Variants in R3HCC1L observed in about 807,000 individuals in gnomAD.
R3HCC1L encodes the protein R3H domain and coiled-coil containing 1 like.
In R3HCC1L, 51 loss-of-function variants were observed where a neutral mutation model predicts 59.9. The ratio of observed to expected loss-of-function variants is 0.85; its 90% CI spans 0.68 to 1.07. The LOEUF (loss-of-function observed/expected upper bound fraction) is 1.07. R3HCC1L is among the 50% of genes least tolerant of loss of function. The probability of loss-of-function intolerance (pLI) is 0.00; values close to 1 mark genes in which losing one functional copy is unlikely to be tolerated. For missense variants in R3HCC1L, 965 were observed against 933.0 expected (o/e 1.03, Z -0.45); for synonymous variants, 322 against 315.2 (o/e 1.02, Z -0.23).
intron 5 of R3HCC1L, among the ~76,000 whole-genome samples, chr10:98,219,775 T>G (rs780674608): frequency 1.2e-4 from 19 of 152,170 alleles, no homozygotes; most frequent in Non-Finnish European, 2.6e-4. Flanking sequence ...CTTCTGTATA[T>G]CCCTTCTATG....
intron 6 of R3HCC1L, among the ~76,000 whole-genome samples, chr10:98,233,712 C>T (rs1021655321): frequency 6.6e-6 from 1 of 152,168 alleles, no homozygotes; most frequent in African/African-American, 2.4e-5. Flanking sequence ...GGTAGTTGTT[C>T]TCCAAAATAA....
chr10:98,204,945 C>G (rs961954890), intron 4 of R3HCC1L, among the ~76,000 whole-genome samples: 1 of 152,042 alleles, frequency 6.6e-6, no homozygotes, highest in South Asian at 2.1e-4. Flanking sequence ...TCCTGACAGT[C>G]CACAAGAATG....
chr10:98,238,322 A>T (rs527383362), intron 9 of R3HCC1L, among the ~76,000 whole-genome samples: 1 of 152,356 alleles, frequency 6.6e-6, no homozygotes, highest in East Asian at 1.9e-4. Context: ...AATTAGAAAG[A>T]TGGCAAGATT....
intron 1 of R3HCC1L, among the ~76,000 whole-genome samples, chr10:98,135,035 G>A (rs1442036471): frequency 6.6e-6 from 1 of 152,198 alleles, no homozygotes; most frequent in East Asian, 1.9e-4. Flanking sequence ...GTATTGAGCG[G>A]GGTCCCTGGT....
rs75698798 is a variant in R3HCC1L, at chr10:98,203,462, A to T, written c.-14-4639A>T. 2.8e-3 allele frequency among the ~76,000 whole-genome samples: 426 copies of T among 152,348 alleles called. 2 individuals are homozygous for T. Among genetic ancestry groups the T allele is most frequent in the Middle Eastern group, 0.01 (3 of 294 alleles). On this transcript the variant is annotated intron_variant, in intron 4 of 9. Coordinates refer to ENST00000298999, the MANE Select transcript of R3HCC1L (RefSeq NM_001351015.2). Reference sequence around the variant, plus strand: ...TATAGTTTAGCTATGGTGCATTCTGATGAACTAACAAATACAGAATTTGTT... The same window carrying T: ...TATAGTTTAGCTATGGTGCATTCTGTTGAACTAACAAATACAGAATTTGTT...
chr10:98,187,997 C>T (rs760127186), intron 4 of R3HCC1L, among the ~76,000 whole-genome samples: 2 of 152,026 alleles, frequency 1.3e-5, no homozygotes, highest in Non-Finnish European at 2.9e-5. Context: ...CCCATCTTGG[C>T]CTCCCAGAAG....
intron 4 of R3HCC1L, among the ~76,000 whole-genome samples, chr10:98,168,518 G>T (rs1160710210): frequency 6.6e-6 from 1 of 152,146 alleles, no homozygotes; most frequent in Non-Finnish European, 1.5e-5. Context: ...GGACCTCCAA[G>T]ATCCTACTGG....
At position 98,231,548 on chromosome 10, in the gene R3HCC1L, G is replaced by T; in HGVS notation, c.1822G>T (p.Glu608Ter). 6.2e-7 allele frequency: 1 copy of T among 1,612,910 alleles called. No homozygotes were observed. The highest frequency in any genetic ancestry group is 8.5e-7 in the Non-Finnish European group (1 of 1,179,586). Residue 608 changes from glutamate to a stop codon, truncating the protein, a stop_gained, in exon 6 of 10, where the codon GAA becomes TAA. Coordinates refer to ENST00000298999, the MANE Select transcript of R3HCC1L (RefSeq NM_001351015.2). LOFTEE classifies it high-confidence loss of function. The stretch of plus-strand genomic sequence containing the variant: ...TACCAAGAGCAGAGAGAGCATCCAG[G>T]AACCTAGATCTGATTACTACAATCA... Reference protein sequence around the residue: ...GNTKSRESIQEPRSDYYNHEV... With the variant: ...GNTKSRESIQ
At position 98,209,381 on chromosome 10, in the gene R3HCC1L, A is replaced by G. The variant is rs139362297; in HGVS notation, c.1267A>G (p.Thr423Ala). ...GTTTGTAGGAATGAGTGCAGATGCA[A>G]CCCCTCTTCATGTAGCTAGAAGTGG... is the stretch of plus-strand genomic sequence containing the variant. Reference protein sequence around the residue: ...SKFVGMSADATPLHVARSGND... With the variant: ...SKFVGMSADAAPLHVARSGND... Residue 423 changes from threonine (T) to alanine (A), a missense_variant, in exon 5 of 10, where the codon ACC becomes GCC. Coordinates refer to ENST00000298999, the MANE Select transcript of R3HCC1L (RefSeq NM_001351015.2). The G allele has an allele frequency of 1.2e-6, 2 of 1,613,818 alleles. No individual in the cohort carries two copies. The highest frequency in any genetic ancestry group is 1.7e-6 in the Non-Finnish European group (2 of 1,179,964).
At chr10:98,162,652 A>G (rs1225276436) in intron 2 of R3HCC1L, among the ~76,000 whole-genome samples, 1 of 151,700 alleles carries the variant, frequency 6.6e-6, no homozygotes, top group Admixed American at 6.6e-5. Flanking sequence ...GAAGTTGAAC[A>G]TCTGTTCGTG....
intron 4 of R3HCC1L, among the ~76,000 whole-genome samples, chr10:98,201,631 A>G (rs181076517): frequency 6.6e-6 from 1 of 152,348 alleles, no homozygotes; most frequent in Admixed American, 6.5e-5. Flanking sequence ...CCTGAGATGC[A>G]TTAGTCATTG....
intron 1 of R3HCC1L, among the ~76,000 whole-genome samples, chr10:98,148,021 T>TA (rs1453178656): frequency 6.6e-6 from 1 of 152,206 alleles, no homozygotes; most frequent in Admixed American, 6.5e-5. Flanking sequence ...TTAACTGTGT[T>TA]ACTCCCTCTA....
intron 4 of R3HCC1L, among the ~76,000 whole-genome samples, chr10:98,199,172 A>G (rs1433576316): frequency 1.3e-5 from 2 of 152,090 alleles, no homozygotes; most frequent in Non-Finnish European, 2.9e-5. Context: ...GTATAGTCCT[A>G]GATCATTCTT....
chr10:98,146,806 G>C (rs1233614768), intron 1 of R3HCC1L, among the ~76,000 whole-genome samples: 12 of 152,068 alleles, frequency 7.9e-5, no homozygotes, highest in Admixed American at 6.5e-4. Flanking sequence ...TGTATCTATT[G>C]ATGGACACTT....
At chr10:98,201,816 CA>C (rs1370388763) in intron 4 of R3HCC1L, among the ~76,000 whole-genome samples, 1 of 151,500 alleles carries the variant, frequency 6.6e-6, no homozygotes, top group Non-Finnish European at 1.5e-5. Context: ...CTTGATTTTG[CA>C]AAAGTTAGGA....
chr10:98,173,925 G>T (rs540336398), intron 4 of R3HCC1L, among the ~76,000 whole-genome samples: 6 of 152,322 alleles, frequency 3.9e-5, no homozygotes, highest in African/African-American at 9.6e-5. Context: ...GCAGAGAAGT[G>T]TCTGTGAGCT....
chr10:98,164,104 G>A (rs1847707817), intron 4 of R3HCC1L, among the ~76,000 whole-genome samples: 2 of 152,050 alleles, frequency 1.3e-5, no homozygotes, highest in Admixed American at 1.3e-4. Context: ...TAGCTTTAGG[G>A]GTAACCAGAG....
chr10:98,228,595 T>C (rs371435847), intron 5 of R3HCC1L, among the ~76,000 whole-genome samples: 15 of 152,134 alleles, frequency 9.9e-5, no homozygotes, highest in Non-Finnish European at 1.9e-4. Flanking sequence ...TAATTAGATC[T>C]CATTTGTCAA....
intron 1 of R3HCC1L, among the ~76,000 whole-genome samples, chr10:98,135,087 C>T (rs377124762): frequency 1.3e-5 from 2 of 152,236 alleles, no homozygotes; most frequent in South Asian, 2.1e-4. Flanking sequence ...CCAGGGCTGC[C>T]GGCGGTTTCC....
Sources: allele counts gnomAD v4.1 joint callset (sites outside exome capture counted in the v4.1 genomes callset), GRCh38; gene constraint gnomAD v4.1.1; transcripts MANE v1.5; gene names NCBI Gene and HGNC (gene_info 2026-07-23, HGNC 2026-07-21).